BABAM2: variants seen among roughly 807,000 people sequenced by gnomAD.
The protein encoded by BABAM2 is BRISC and BRCA1-A complex member 2.
BABAM2 carries 31 observed loss-of-function variants against 54.7 expected under a neutral mutation model. That is an observed-to-expected ratio of 0.57 (90% CI 0.43 to 0.77). The LOEUF is 0.77. Ranked by LOEUF, BABAM2 falls within the 30% of genes least tolerant of loss-of-function variation. The pLI is 0.00. For missense variants in BABAM2, 364 were observed against 455.8 expected (o/e 0.80, Z 1.83); for synonymous variants, 167 against 162.9 (o/e 1.03, Z -0.19).
intron 7 of BABAM2, among the ~76,000 whole-genome samples, chr2:28,192,989 A>T (rs1677106305): frequency 1.3e-5 from 2 of 151,848 alleles, no homozygotes; most frequent in African/African-American, 4.8e-5. Flanking sequence ...CCTGGCCAAC[A>T]TGGTAAACCC....
intron 2 of BABAM2, 128 bp from the exon 3 acceptor site, chr2:27,929,704 T>C: frequency 2.6e-6 from 2 of 765,806 alleles, no homozygotes; most frequent in Non-Finnish European, 4.1e-6. Flanking sequence ...TTTTATTTTG[T>C]TCTGTAAGCC....
At chr2:28,315,714 A>C (rs2148293903) in intron 11 of BABAM2, among the ~76,000 whole-genome samples, 1 of 150,860 alleles carries the variant, frequency 6.6e-6, no homozygotes, top group South Asian at 2.1e-4. Flanking sequence ...GCTGGTCTTT[A>C]ACTCCTGGGC....
chr2:28,123,145 G>C (rs1573626527), intron 6 of BABAM2, among the ~76,000 whole-genome samples: 1 of 151,920 alleles, frequency 6.6e-6, no homozygotes, highest in African/African-American at 2.4e-5. Flanking sequence ...TCCATCAGTT[G>C]CTCTGTATGT....
chr2:28,129,371 G>T lies in BABAM2; in HGVS notation c.671G>T (p.Arg224Leu), dbSNP rs773629059. The T allele has an allele frequency of 1.2e-6, 2 of 1,612,128 alleles. No individual in the cohort carries two copies. The highest frequency in any genetic ancestry group is 1.7e-6 in the Non-Finnish European group (2 of 1,178,170). ...QVYPKLYLSP[R>L]IEHALGGSSA... The stretch of plus-strand genomic sequence containing the variant: ...TACCCCAAGCTGTACTTGTCACCTC[G>T]AATTGAGCAGTAAGTGTCATTAACA... Residue 224 changes from arginine to leucine, a missense_variant, in exon 7 of 12, where the codon CGA (arginine) becomes CTA (leucine). Physicochemically the swap from Arg to Leu is moderately radical, Grantham distance 102. Coordinates refer to ENST00000379624, the MANE Select transcript of BABAM2 (RefSeq NM_199191.3).
intron 7 of BABAM2, among the ~76,000 whole-genome samples, chr2:28,220,065 T>G (rs1409344448): frequency 6.6e-6 from 1 of 152,228 alleles, no homozygotes; most frequent in African/African-American, 2.4e-5. Flanking sequence ...TTCTTCATTT[T>G]GTACCAAACA....
At chr2:28,328,578 A>C (rs1690681039) in intron 11 of BABAM2, among the ~76,000 whole-genome samples, 1 of 152,232 alleles carries the variant, frequency 6.6e-6, no homozygotes, top group African/African-American at 2.4e-5. Flanking sequence ...TTTGAATTCC[A>C]GAATTCAAGT....
intron 10 of BABAM2, among the ~76,000 whole-genome samples, chr2:28,274,758 C>G (rs947365362): frequency 6.6e-6 from 1 of 152,178 alleles, no homozygotes; most frequent in African/African-American, 2.4e-5. Flanking sequence ...GTCAGAGCAC[C>G]TTGAAGTCTG....
At chr2:28,086,882 T>C (rs957955427) in intron 6 of BABAM2, among the ~76,000 whole-genome samples, 1 of 152,270 alleles carries the variant, frequency 6.6e-6, no homozygotes, top group Non-Finnish European at 1.5e-5. Context: ...TTCTAATTAC[T>C]TACTTTCTAA....
intron 10 of BABAM2, among the ~76,000 whole-genome samples, chr2:28,265,306 A>G (rs1296942309): frequency 6.6e-6 from 1 of 152,162 alleles, no homozygotes. Context: ...GCACGCCTGT[A>G]ATCCCAGCTA....
At chr2:27,957,513 T>A (rs940913504) in intron 3 of BABAM2, among the ~76,000 whole-genome samples, 3 of 152,228 alleles carry the variant, frequency 2.0e-5, no homozygotes, top group African/African-American at 7.2e-5. Flanking sequence ...AAGTTTTGCT[T>A]CTTTTATCTC....
At chr2:27,946,661 GGAGAGAGGAGAGAA>G (rs988590963) in intron 3 of BABAM2, among the ~76,000 whole-genome samples, 7 of 151,838 alleles carry the variant, frequency 4.6e-5, no homozygotes, top group African/African-American at 9.7e-5. Flanking sequence ...GAGAGAGAGA[GGAGAGAGGAGAGAA>G]GAGAGAGGAG....
intron 11 of BABAM2, among the ~76,000 whole-genome samples, chr2:28,334,798 T>C (rs914977530): frequency 6.6e-6 from 1 of 152,172 alleles, no homozygotes; most frequent in African/African-American, 2.4e-5. Flanking sequence ...TGGCATCAGG[T>C]GGCCTTATCA....
chr2:28,008,142 G>C (rs184742409), intron 4 of BABAM2, among the ~76,000 whole-genome samples: 1 of 152,240 alleles, frequency 6.6e-6, no homozygotes. Context: ...GTGATATGAA[G>C]TAACTGTATT....
chr2:28,187,662 A>T (rs1018422900), intron 7 of BABAM2, among the ~76,000 whole-genome samples: 6 of 99,162 alleles, frequency 6.1e-5, no homozygotes, highest in African/African-American at 1.5e-4. Flanking sequence ...GAACTTTGGA[A>T]TTTTTTTTTT....
Position 28,325,780 on chromosome 2 carries a change from C to T in BABAM2, c.1089-12670C>T, listed in dbSNP as rs565816773. Reference sequence around the variant, plus strand: ...AGTGTTGGGTGACCAAAAGCTGTGTCCAAAAGCCAGCATGCAGGGGCCTGA... The same window carrying T: ...AGTGTTGGGTGACCAAAAGCTGTGTTCAAAAGCCAGCATGCAGGGGCCTGA... On this transcript the variant is annotated intron_variant, in intron 11 of 11. Coordinates refer to ENST00000379624, the MANE Select transcript of BABAM2 (RefSeq NM_199191.3). This position sits in a 1 kb window ranked among gnomAD's most constrained non-coding sequence, Gnocchi z 4.3. 7.9e-5 allele frequency among the ~76,000 whole-genome samples: 12 copies of T among 152,292 alleles called. No individual in the cohort carries two copies. In the East Asian group the frequency reaches 9.6e-4, roughly 12 times the overall value.
intron 5 of BABAM2, among the ~76,000 whole-genome samples, chr2:28,030,788 A>G (rs1264812250): frequency 6.6e-6 from 1 of 152,160 alleles, no homozygotes; most frequent in Non-Finnish European, 1.5e-5. Flanking sequence ...TTATTATGTC[A>G]TAGTTCTGGA....
chr2:28,040,462 G>T (rs984440852), intron 5 of BABAM2, among the ~76,000 whole-genome samples: 1 of 151,050 alleles, frequency 6.6e-6, no homozygotes. Context: ...CACTACGCCC[G>T]GCTAATTTTT....
At chr2:28,106,884 C>T (rs1267781953) in intron 6 of BABAM2, among the ~76,000 whole-genome samples, 3 of 152,150 alleles carry the variant, frequency 2.0e-5, no homozygotes, top group East Asian at 1.9e-4. Flanking sequence ...TTTTGATGCT[C>T]AATATTACTT....
At chr2:28,222,324 T>C (rs1680489790) in intron 7 of BABAM2, among the ~76,000 whole-genome samples, 1 of 152,312 alleles carries the variant, frequency 6.6e-6, no homozygotes, top group Admixed American at 6.5e-5. Flanking sequence ...AATCTCCTCA[T>C]GTCGGGGTCC....
Sources: gnomAD v4.1 joint callset for allele counts (sites outside exome capture counted in the v4.1 genomes callset) on GRCh38, gnomAD v4.1.1 for gene constraint, Gnocchi (gnomAD v3.1) non-coding constraint, MANE v1.5 for transcripts, NCBI Gene and HGNC (gene_info 2026-07-23, HGNC 2026-07-21) for gene names.